The following CLEC16A variants were observed in gnomAD, a reference collection of about 807,000 sequenced individuals.
The protein encoded by CLEC16A is protein CLEC16A.
A neutral mutation model predicts 109.5 loss-of-function variants in CLEC16A; 51 were observed. The ratio of observed to expected loss-of-function variants is 0.47; its 90% CI spans 0.37 to 0.59. CLEC16A has a LOEUF of 0.59. CLEC16A is among the 20% of genes least tolerant of loss of function. The probability of loss-of-function intolerance (pLI) is 0.00; values close to 1 mark genes in which losing one functional copy is unlikely to be tolerated. For missense variants in CLEC16A, 1,339 were observed against 1,394.0 expected (o/e 0.96, Z 0.63); for synonymous variants, 673 against 564.2 (o/e 1.19, Z -2.73).
At chr16:11,038,367 C>T (rs995808735) in intron 13 of CLEC16A, among the ~76,000 whole-genome samples, 21 of 152,110 alleles carry the variant, frequency 1.4e-4, no homozygotes, top group Non-Finnish European at 5.9e-5. Flanking sequence ...GTGGTACAAG[C>T]GCAAATAATC....
intron 11 of CLEC16A, among the ~76,000 whole-genome samples, chr16:11,013,764 T>G (rs1038381568): frequency 6.7e-6 from 1 of 149,038 alleles, no homozygotes; most frequent in Non-Finnish European, 1.5e-5. Flanking sequence ...GTCTCAAAAA[T>G]AAATAAATAA....
rs1208781850 is a variant in CLEC16A at position 10,944,805 on chromosome 16, T to G, written c.80+8T>G. 3 of 1,600,386 alleles carry G rather than the reference T, an allele frequency of 1.9e-6. No homozygotes were observed. Among genetic ancestry groups the G allele is most frequent in the Non-Finnish European group, 2.6e-6 (3 of 1,173,270 alleles). On this transcript the variant is annotated splice_region_variant and intron_variant, in intron 1 of 23. Coordinates refer to ENST00000409790, the MANE Select transcript of CLEC16A (RefSeq NM_015226.3). ...CTCCTTGGACCACCTCAAGTGAGTG[T>G]GGGGGGCGTAGCGGGAGGCCTCGGG...
intron 10 of CLEC16A, among the ~76,000 whole-genome samples, chr16:10,985,216 A>ATATAT (rs1320649141): frequency 0.024 from 2,758 of 116,124 alleles, 24 homozygotes; most frequent in Non-Finnish European, 0.035. Context: ...AAAAAAAAAA[A>ATATAT]AAAAATATAT....
intron 10 of CLEC16A, among the ~76,000 whole-genome samples, chr16:10,992,750 G>A (rs1452780830): frequency 6.6e-6 from 1 of 151,968 alleles, no homozygotes; most frequent in Non-Finnish European, 1.5e-5. Flanking sequence ...TGCTGTGAAT[G>A]AACAAGACAT....
rs908164513 is a variant in CLEC16A at position 11,181,866 on chromosome 16, G to A, written c.*3176G>A. The A allele has an allele frequency of 6.5e-6, 1 of 152,694 alleles. No individual in the cohort carries two copies. Among genetic ancestry groups the A allele is most frequent in the Admixed American group, 6.5e-5 (1 of 15,282 alleles). 9.5% of individuals were successfully genotyped at this position (152,694 alleles called of 1,614,324 possible). ...GATGCACCGTTTTTTAAAAAGGCGTGGGGTGAACTGATTTTGATCTTCTTG... is the reference window on the plus strand; with the variant it reads ...GATGCACCGTTTTTTAAAAAGGCGTAGGGTGAACTGATTTTGATCTTCTTG... On this transcript the variant is annotated 3_prime_UTR_variant, in exon 24 of 24. Transcript: ENST00000409790.
chr16:11,076,311 C>G (rs894049119), intron 19 of CLEC16A, among the ~76,000 whole-genome samples: 2 of 152,336 alleles, frequency 1.3e-5, no homozygotes, highest in Non-Finnish European at 2.9e-5. Context: ...GCCCCAAAAC[C>G]CCCACTCTGC....
intron 22 of CLEC16A, among the ~76,000 whole-genome samples, chr16:11,133,896 C>T (rs1439369338): frequency 6.6e-6 from 1 of 152,192 alleles, no homozygotes; most frequent in East Asian, 1.9e-4. Flanking sequence ...AGACTTGGGC[C>T]AGCAGGTTAG....
chr16:11,123,898 G>A lies in CLEC16A; in HGVS notation c.2425G>A (p.Ala809Thr), dbSNP rs1277630659. 2 of 1,613,676 alleles carry A rather than the reference G, an allele frequency of 1.2e-6. No homozygotes were observed. The highest frequency in any genetic ancestry group is 1.7e-6 in the Non-Finnish European group (2 of 1,179,852). ...IRCIIAKQRL[A>T]KGRIQARRMK... ...CTGCATCATCGCCAAGCAGCGCCTG[G>A]CCAAAGGCCGCATCCAGGCAAGGCG... Residue 809 changes from alanine to threonine, a missense_variant, in exon 21 of 24, where the codon GCC (alanine) becomes ACC (threonine). This residue lies in a region of CLEC16A where 1,061 missense variants were observed against 1,006.8 expected (regional missense o/e 1.05). Transcript: ENST00000409790.
chr16:10,976,670 G>A (rs1420058016), intron 7 of CLEC16A, among the ~76,000 whole-genome samples: 1 of 152,162 alleles, frequency 6.6e-6, no homozygotes, highest in African/African-American at 2.4e-5. Context: ...TGGAGTGTGA[G>A]ACTGACTCCA....
chr16:11,083,246 T>G (rs2049832523), intron 19 of CLEC16A, among the ~76,000 whole-genome samples: 1 of 152,180 alleles, frequency 6.6e-6, no homozygotes, highest in Non-Finnish European at 1.5e-5. Context: ...CACTACAGCA[T>G]CAAACTCCTG....
rs775688073 is a variant in CLEC16A, at chr16:11,003,162, T to A, written c.1160T>A (p.Val387Glu). 1 of 1,604,832 alleles carries A rather than the reference T, an allele frequency of 6.2e-7. No homozygotes were observed. The highest frequency in any genetic ancestry group is 8.5e-7 in the Non-Finnish European group (1 of 1,177,668). Residue 387 changes from valine (V) to glutamate (E), a missense_variant, in exon 11 of 24, where the codon GTG becomes GAG. Val to Glu is a moderately radical substitution (Grantham distance 121, BLOSUM62 -2). Transcript: ENST00000409790. ...AACAAGCACAAGGGCAAGAGGCGGGTGCAAAAGAGACCCAACTACAAAAAC... is the reference window on the plus strand; with the variant it reads ...AACAAGCACAAGGGCAAGAGGCGGGAGCAAAAGAGACCCAACTACAAAAAC... The part of the protein sequence containing the change: ...EMNKHKGKRR[V>E]QKRPNYKNVG...
intron 22 of CLEC16A, among the ~76,000 whole-genome samples, chr16:11,146,594 T>A (rs1047422110): frequency 6.9e-5 from 10 of 144,044 alleles, no homozygotes; most frequent in African/African-American, 2.6e-4. Context: ...TGTAGAGGGA[T>A]TGATGGATGG....
intron 19 of CLEC16A, among the ~76,000 whole-genome samples, chr16:11,102,806 C>A (rs1327347680): frequency 2.0e-5 from 3 of 152,240 alleles, no homozygotes; most frequent in Non-Finnish European, 2.9e-5. Flanking sequence ...AAGTGCCAGG[C>A]ACTATCCTAG....
chr16:11,117,615 G>T (rs562745955), intron 19 of CLEC16A, among the ~76,000 whole-genome samples: 174 of 152,272 alleles, frequency 1.1e-3, no homozygotes, highest in African/African-American at 4.2e-3. Context: ...TCCCAGTAGA[G>T]TGGGACATAG....
At chr16:11,111,759 A>G (rs2051602555) in intron 19 of CLEC16A, among the ~76,000 whole-genome samples, 1 of 152,216 alleles carries the variant, frequency 6.6e-6, no homozygotes, top group Non-Finnish European at 1.5e-5. Flanking sequence ...CTGTAATTTA[A>G]TAAATGGTCT....
At chr16:11,148,496 C>G (rs1054808602) in intron 22 of CLEC16A, among the ~76,000 whole-genome samples, 2 of 152,156 alleles carry the variant, frequency 1.3e-5, no homozygotes, top group African/African-American at 2.4e-5. Flanking sequence ...CTCACTTAAT[C>G]CTCACAATGA....
intron 17 of CLEC16A, among the ~76,000 whole-genome samples, chr16:11,050,259 C>G (rs2047868558): frequency 6.6e-6 from 1 of 152,228 alleles, no homozygotes; most frequent in Non-Finnish European, 1.5e-5. Context: ...GAGACCCAAT[C>G]CCGTCTTGTT....
intron 19 of CLEC16A, among the ~76,000 whole-genome samples, chr16:11,099,207 T>C (rs1377831342): frequency 1.3e-5 from 2 of 152,172 alleles, no homozygotes; most frequent in African/African-American, 4.8e-5. Flanking sequence ...CCAGGACAGG[T>C]CATTCTCATG....
chr16:11,099,340 A>G (rs1196737174), intron 19 of CLEC16A, among the ~76,000 whole-genome samples: 2 of 152,222 alleles, frequency 1.3e-5, no homozygotes, highest in Admixed American at 6.5e-5. Context: ...GGCTGTCTAA[A>G]TCTACATTAA....
Sources: gnomAD v4.1 joint callset for allele counts (sites outside exome capture counted in the v4.1 genomes callset) on GRCh38, gnomAD v4.1.1 for gene constraint, gnomAD v4.1.1 regional missense constraint, MANE v1.5 for transcripts, NCBI Gene and HGNC (gene_info 2026-07-23, HGNC 2026-07-21) for gene names.